The following GBE1 variants were observed in gnomAD, a reference collection of about 807,000 sequenced individuals.
GBE1 encodes 1,4-alpha-glucan-branching enzyme.
GBE1 carries 70 observed loss-of-function variants against 88.8 expected under a neutral mutation model. That is an observed-to-expected ratio of 0.79 (90% CI 0.65 to 0.96). GBE1 has a LOEUF of 0.96. GBE1 is among the 40% of genes least tolerant of loss of function. GBE1 has a pLI of 0.00. For missense variants in GBE1, 872 were observed against 871.0 expected (o/e 1.00, Z -0.01); for synonymous variants, 284 against 300.1 (o/e 0.95, Z 0.56).
At chr3:81,705,360 G>T in intron 2 of GBE1, 84 bp downstream of exon 2, 1 of 1,018,686 alleles carries the variant, frequency 9.8e-7, no homozygotes, top group Non-Finnish European at 1.4e-6. Flanking sequence ...AGTTCATATG[G>T]TTAAATACAT....
intron 3 of GBE1, among the ~76,000 whole-genome samples, chr3:81,659,360 C>A (rs942271484): frequency 6.7e-6 from 1 of 149,636 alleles, no homozygotes; most frequent in Non-Finnish European, 1.5e-5. Context: ...TTTTTTTAGA[C>A]AGTCTCAGTC....
intron 1 of GBE1, among the ~76,000 whole-genome samples, chr3:81,737,038 A>G (rs1706265290): frequency 6.6e-6 from 1 of 151,906 alleles, no homozygotes; most frequent in Admixed American, 6.6e-5. Context: ...CTAGCAGTAA[A>G]GATGTACAGA....
chr3:81,610,193 C>T (rs996359543), intron 7 of GBE1, among the ~76,000 whole-genome samples: 1 of 152,118 alleles, frequency 6.6e-6, no homozygotes, highest in Non-Finnish European at 1.5e-5. Context: ...TACCCTAGAG[C>T]AATAGCAGTA....
intron 7 of GBE1, among the ~76,000 whole-genome samples, chr3:81,633,843 G>A (rs1322508371): frequency 6.6e-6 from 1 of 152,110 alleles, no homozygotes; most frequent in Non-Finnish European, 1.5e-5. Flanking sequence ...GGCACATTTT[G>A]GAACCCAGAG....
Position 81,541,390 on chromosome 3 carries a change from G to C in GBE1, c.1619-4295C>G, listed in dbSNP as rs574053432. On this transcript the variant is annotated intron_variant, in intron 12 of 15. Transcript: ENST00000429644. ...ATTATCATTTATTTCTAACATTCCA[G>C]TGTGAAAAATTCACATGCTTATAAT... Among the ~76,000 whole-genome samples the C allele has an allele frequency of 1.0e-4, 15 of 148,594 alleles. No homozygotes were observed. The South Asian group carries it at 1.9e-3, about 19-fold the overall frequency.
chr3:81,694,373 G>A (rs1377004831), intron 2 of GBE1, among the ~76,000 whole-genome samples: 3 of 152,140 alleles, frequency 2.0e-5, no homozygotes, highest in African/African-American at 4.8e-5. Flanking sequence ...GAAAGTAGGG[G>A]TCACTTAGAA....
intron 1 of GBE1, among the ~76,000 whole-genome samples, chr3:81,737,381 A>ATATAAATATATTTT (rs1262610042): frequency 4.7e-4 from 13 of 27,910 alleles, no homozygotes; most frequent in Non-Finnish European, 7.6e-4. Flanking sequence ...ATATATTTTT[A>ATATAAATATATTTT]TATATATTTA....
chr3:81,620,185 ATTT>A (rs5850530), intron 7 of GBE1, among the ~76,000 whole-genome samples: 2 of 142,736 alleles, frequency 1.4e-5, no homozygotes, highest in African/African-American at 2.6e-5. Flanking sequence ...CATGGAAATA[ATTT>A]TTTTTTTTTT....
chr3:81,564,201 C>A (rs1359060079), intron 12 of GBE1, among the ~76,000 whole-genome samples: 3 of 152,112 alleles, frequency 2.0e-5, no homozygotes, highest in African/African-American at 7.2e-5. Context: ...CAATGCCCAT[C>A]CTCACATGGA....
chr3:81,747,604 G>C (rs967741436), intron 1 of GBE1, among the ~76,000 whole-genome samples: 12 of 152,174 alleles, frequency 7.9e-5, no homozygotes, highest in Admixed American at 7.9e-4. Context: ...TGACTTGCAC[G>C]TATACGCCCA....
At chr3:81,742,061 C>G (rs998821198) in intron 1 of GBE1, among the ~76,000 whole-genome samples, 2 of 151,696 alleles carry the variant, frequency 1.3e-5, no homozygotes, top group Non-Finnish European at 2.9e-5. Context: ...TGCCAGACTT[C>G]CCCCCATTAA....
At chr3:81,490,735 T>C (rs1702425851) in intron 15 of GBE1, among the ~76,000 whole-genome samples, 1 of 152,104 alleles carries the variant, frequency 6.6e-6, no homozygotes, top group Non-Finnish European at 1.5e-5. Flanking sequence ...GCCCTGTTAC[T>C]GCCATGTTGA....
rs80338672 is a variant in GBE1, at chr3:81,578,000, G to A, written c.1543C>T (p.Arg515Cys). ...ATCATTTTATGAAGCTGTATTCCACGATCAATAACTGGAGTAAAAGGAGTC... is the reference window on the plus strand; with the variant it reads ...ATCATTTTATGAAGCTGTATTCCACAATCAATAACTGGAGTAAAAGGAGTC... Reference protein sequence around the residue: ...VLTPFTPVIDRGIQLHKMIRL... With the variant: ...VLTPFTPVIDCGIQLHKMIRL... The change falls in exon 12 of 16, where the codon CGT (arginine) becomes TGT (cysteine). Residue 515 changes from arginine (R) to cysteine (C), a missense_variant. Arg to Cys is a radical substitution (Grantham distance 180). Transcript: ENST00000429644. 13 of 1,608,504 alleles carry A rather than the reference G, an allele frequency of 8.1e-6. No homozygotes were observed. The Admixed American group carries it at 8.5e-5, about 10-fold the overall frequency.
At chr3:81,621,221 T>C (rs1704328373) in intron 7 of GBE1, among the ~76,000 whole-genome samples, 2 of 152,204 alleles carry the variant, frequency 1.3e-5, no homozygotes, top group Admixed American at 6.5e-5. Context: ...TGGTGATGGA[T>C]TGAGTGTATT....
At chr3:81,629,031 T>TTG (rs1402597409) in intron 7 of GBE1, among the ~76,000 whole-genome samples, 1 of 144,844 alleles carries the variant, frequency 6.9e-6, no homozygotes, top group African/African-American at 2.6e-5. Flanking sequence ...TTTTTTTTTT[T>TTG]TTTTTTTTTA....
At chr3:81,508,468 A>T (rs1477362710) in intron 14 of GBE1, among the ~76,000 whole-genome samples, 1 of 152,176 alleles carries the variant, frequency 6.6e-6, no homozygotes, top group Non-Finnish European at 1.5e-5. Flanking sequence ...AGAAAAAAAT[A>T]ACAGATTTTT....
chr3:81,568,443 T>C (rs1403319396), intron 12 of GBE1, among the ~76,000 whole-genome samples: 6 of 151,634 alleles, frequency 4.0e-5, no homozygotes, highest in Non-Finnish European at 8.8e-5. Context: ...TGTTTTTGTT[T>C]TCTTTGTGTC....
At chr3:81,527,362 T>G (rs1379275282) in intron 14 of GBE1, among the ~76,000 whole-genome samples, 2 of 151,524 alleles carry the variant, frequency 1.3e-5, no homozygotes, top group Non-Finnish European at 2.9e-5. Context: ...AAGCCAAAAT[T>G]GACAAATGGG....
rs149085411 is a variant in GBE1 at position 81,650,505 on chromosome 3, C to T, written c.430-584G>A. On this transcript the variant is annotated intron_variant, in intron 3 of 15. Transcript: ENST00000429644. ...CCAAACATTATCTCCTTTAATCATC[C>T]GTTCACATATTTGCCAGCAATATGA... Among the ~76,000 whole-genome samples the T allele has an allele frequency of 6.8e-3, 1,029 of 152,156 alleles. 24 individuals carry two copies. The highest frequency in any genetic ancestry group is 0.049 in the Admixed American group (749 of 15,270).
Sources: gnomAD v4.1 joint callset for allele counts (sites outside exome capture counted in the v4.1 genomes callset) on GRCh38, gnomAD v4.1.1 for gene constraint, MANE v1.5 for transcripts, NCBI Gene and HGNC (gene_info 2026-07-23, HGNC 2026-07-21) for gene names.